Variants in NINL observed in about 807,000 individuals in gnomAD.
The protein encoded by NINL is ninein-like protein.
A neutral mutation model predicts 160.3 loss-of-function variants in NINL; 153 were observed. The observed-to-expected ratio is 0.95, with a 90% CI of 0.84 to 1.09. The LOEUF (loss-of-function observed/expected upper bound fraction) is 1.09. NINL is among the 50% of genes least tolerant of loss of function. The pLI is 0.00. For missense variants in NINL, 1,829 were observed against 1,764.0 expected, an observed-to-expected ratio of 1.04 and a Z score of -0.66; for synonymous variants, 800 against 734.8, an observed-to-expected ratio of 1.09 and a Z score of -1.43.
chr20:25,467,967 A>G (rs766140131), intron 18 of NINL, among the ~76,000 whole-genome samples: 27 of 152,132 alleles, frequency 1.8e-4, no homozygotes, highest in Non-Finnish European at 3.7e-4. Context: ...TGGAAGGGCA[A>G]TCCCTGGGTA....
intron 1 of NINL, among the ~76,000 whole-genome samples, chr20:25,555,080 G>A (rs964500957): frequency 4.6e-5 from 7 of 152,142 alleles, no homozygotes; most frequent in African/African-American, 9.7e-5. Flanking sequence ...TACAAACAGC[G>A]TTTGGTTTCT....
intron 7 of NINL, among the ~76,000 whole-genome samples, chr20:25,502,411 C>T (rs1288857129): frequency 6.6e-6 from 1 of 152,154 alleles, no homozygotes. Context: ...AGTATCCAGC[C>T]CCTGAGCAGC....
chr20:25,507,941 C>CTG (rs1193687290), intron 5 of NINL, among the ~76,000 whole-genome samples: 1 of 152,176 alleles, frequency 6.6e-6, no homozygotes, highest in African/African-American at 2.4e-5. Context: ...AGCTCTGATC[C>CTG]TGTACAAAGG....
intron 1 of NINL, among the ~76,000 whole-genome samples, chr20:25,566,453 T>A (rs2065000753): frequency 6.6e-6 from 1 of 151,476 alleles, no homozygotes. Context: ...AAAGCAAGCA[T>A]CAGAACCCAC....
At chr20:25,460,440 T>C (rs1180948850) in intron 21 of NINL, among the ~76,000 whole-genome samples, 1 of 151,802 alleles carries the variant, frequency 6.6e-6, no homozygotes, top group Non-Finnish European at 1.5e-5. Context: ...GCCCCAGGGG[T>C]GTGGAATGCT....
chr20:25,488,551 G>A (rs963829490), intron 13 of NINL, among the ~76,000 whole-genome samples: 1 of 151,898 alleles, frequency 6.6e-6, no homozygotes, highest in Non-Finnish European at 1.5e-5. Flanking sequence ...TTCGGGGCAC[G>A]TGGCAGTTCC....
chr20:25,504,068 C>T lies in NINL; in HGVS notation c.745G>A (p.Gly249Arg), dbSNP rs751361786. ...EDLFNKLDQDGDGKVSLEEFQ... is the reference protein window; with the variant it reads ...EDLFNKLDQDRDGKVSLEEFQ... ...TCCTCAAGACTCACTTTGCCGTCTC[C>T]GTCTTGATCCAGTTTGTTAAACAGG... Residue 249 changes from glycine to arginine, a missense_variant, in exon 7 of 24, where the codon GGA (glycine) becomes AGA (arginine). Coordinates refer to ENST00000278886, the MANE Select transcript of NINL (RefSeq NM_025176.6). 1.0e-5 allele frequency: 16 copies of T among 1,599,146 alleles called. No homozygotes were observed. Among genetic ancestry groups the T allele is most frequent in the African/African-American group, 9.4e-5 (7 of 74,168 alleles).
At chr20:25,566,794 AAAAC>A (rs1488014287) in intron 1 of NINL, among the ~76,000 whole-genome samples, 1 of 150,014 alleles carries the variant, frequency 6.7e-6, no homozygotes, top group Non-Finnish European at 1.5e-5. Context: ...ACCCATCTCT[AAAAC>A]AAACAAACAA....
At chr20:25,524,144 CTGTG>C (rs1451836992) in intron 2 of NINL, among the ~76,000 whole-genome samples, 2 of 152,088 alleles carry the variant, frequency 1.3e-5, no homozygotes, top group Non-Finnish European at 2.9e-5. Context: ...TCTGCCCTGT[CTGTG>C]GTATGAAGCA....
At position 25,524,929 on chromosome 20, in the gene NINL, G is replaced by GTATATA. The variant is rs1332582893; in HGVS notation, c.180+1478_180+1479insTATATA. On this transcript the variant is annotated intron_variant, in intron 2 of 23. Transcript: ENST00000278886. ...AATATATATATATATATATATGTGT[G>GTATATA]TGTATATATATATATATAAATAAAT... Among the ~76,000 whole-genome samples the GTATATA allele has an allele frequency of 1.1e-3, 155 of 147,176 alleles. 1 individual carries two copies. The highest frequency in any genetic ancestry group is 3.7e-3 in the African/African-American group (150 of 40,376).
intron 4 of NINL, among the ~76,000 whole-genome samples, chr20:25,511,650 G>A (rs2064071689): frequency 6.6e-6 from 1 of 152,178 alleles, no homozygotes; most frequent in Non-Finnish European, 1.5e-5. Context: ...GATTTAAGAA[G>A]CAGAATGGCA....
intron 1 of NINL, among the ~76,000 whole-genome samples, chr20:25,576,423 T>C (rs2065116701): frequency 6.6e-6 from 1 of 152,158 alleles, no homozygotes; most frequent in African/African-American, 2.4e-5. Context: ...TAGTCACCTT[T>C]ATGTGAGTTT....
chr20:25,503,983 A>G lies in NINL; in HGVS notation c.830T>C (p.Val277Ala). 1 of 1,614,120 alleles carries G rather than the reference A, an allele frequency of 6.2e-7. No homozygotes were observed. ...PALLLESSTR[V>A]KPSKAWSHYQ... ...ATGAGACCAAGCCTTGCTCGGTTTAACCCGAGTGGAAGACTCTAGAAGTAG... is the reference window on the plus strand; with the variant it reads ...ATGAGACCAAGCCTTGCTCGGTTTAGCCCGAGTGGAAGACTCTAGAAGTAG... The change falls in exon 7 of 24, where the codon GTT becomes GCT. Residue 277 changes from valine (V) to alanine (A), a missense_variant. Transcript: ENST00000278886.
intron 1 of NINL, among the ~76,000 whole-genome samples, chr20:25,531,033 C>T (rs745917043): frequency 2.2e-4 from 34 of 152,284 alleles, no homozygotes; most frequent in Admixed American, 6.5e-4. Context: ...AGCTCAGCCA[C>T]AAAAGACGGC....
intron 7 of NINL, among the ~76,000 whole-genome samples, chr20:25,502,124 C>T (rs1238831351): frequency 6.6e-6 from 1 of 152,108 alleles, no homozygotes; most frequent in Non-Finnish European, 1.5e-5. Context: ...TGGGATTACA[C>T]ATGTGTACCA....
intron 10 of NINL, 116 bp downstream of exon 10, chr20:25,496,547 G>T (rs1349248940): frequency 2.4e-6 from 3 of 1,248,640 alleles, no homozygotes; most frequent in Non-Finnish European, 3.3e-6. Flanking sequence ...AAATAGGGGG[G>T]TCTCCACTGA....
chr20:25,542,931 T>C (rs1285943853), intron 1 of NINL, among the ~76,000 whole-genome samples: 3 of 150,260 alleles, frequency 2.0e-5, no homozygotes. Flanking sequence ...TCCCAGCTAC[T>C]TGGGAGGCCA....
chr20:25,458,116 C>T (rs1252338453), intron 22 of NINL, among the ~76,000 whole-genome samples: 5 of 152,200 alleles, frequency 3.3e-5, no homozygotes, highest in African/African-American at 9.7e-5. Context: ...TACCCCAGGG[C>T]CTCTGCTGCT....
At chr20:25,458,330 G>T in intron 22 of NINL, 53 bp downstream of exon 22, 2 of 1,598,636 alleles carry the variant, frequency 1.3e-6, no homozygotes, top group Non-Finnish European at 8.5e-7. Context: ...CGGTGGGCCC[G>T]CCTCACCCTC....
Sources: gnomAD v4.1 joint callset for allele counts (sites outside exome capture counted in the v4.1 genomes callset) on GRCh38, gnomAD v4.1.1 for gene constraint, MANE v1.5 for transcripts, NCBI Gene and HGNC (gene_info 2026-07-23, HGNC 2026-07-21) for gene names.